WDR49: variants seen among roughly 807,000 people sequenced by gnomAD.
WDR49 encodes the protein cilia- and flagella-associated protein 337.
A neutral mutation model predicts 119.5 loss-of-function variants in WDR49; 107 were observed. That is an observed-to-expected ratio of 0.90 (90% CI 0.77 to 1.05). The LOEUF (loss-of-function observed/expected upper bound fraction) is 1.05, where lower values mean the gene tolerates loss of function less well. Among genes scored for constraint, WDR49 ranks in the 50% least tolerant of loss-of-function variants. The pLI is 0.00. For missense variants in WDR49, 1,240 were observed against 1,220.5 expected, an observed-to-expected ratio of 1.02 and a Z score of -0.24; for synonymous variants, 425 against 418.8, an observed-to-expected ratio of 1.01 and a Z score of -0.18.
intron 10 of WDR49, among the ~76,000 whole-genome samples, chr3:167,550,834 G>T (rs573452350): frequency 6.6e-6 from 1 of 150,470 alleles, no homozygotes; most frequent in South Asian, 2.1e-4. Flanking sequence ...GATTTTGGAG[G>T]CAGGATAAAA....
At chr3:167,500,078 C>T in intron 18 of WDR49, 75 bp downstream of exon 18, 2 of 1,408,688 alleles carry the variant, frequency 1.4e-6, no homozygotes. Context: ...TATTTTCATG[C>T]TCTTCTACTC....
intron 7 of WDR49, among the ~76,000 whole-genome samples, chr3:167,576,597 G>C (rs1307701581): frequency 6.6e-6 from 1 of 152,172 alleles, no homozygotes; most frequent in African/African-American, 2.4e-5. Flanking sequence ...AAATGTGAAA[G>C]AGGGAGGCAG....
Position 167,575,974 on chromosome 3 carries a change from C to G in WDR49, c.1453G>C (p.Val485Leu), listed in dbSNP as rs746870729. ...LAMKSEASKRVKSHEKAVTCV... is the reference protein window; with the variant it reads ...LAMKSEASKRLKSHEKAVTCV... Reference sequence around the variant, plus strand: ...GTGACTGCTTTCTCATGGCTTTTCACCCTCTTGCTGGCTTCACTTTTCATT... The same window carrying G: ...GTGACTGCTTTCTCATGGCTTTTCAGCCTCTTGCTGGCTTCACTTTTCATT... Residue 485 changes from valine (V) to leucine (L), a missense_variant, in exon 8 of 19, where the codon GTG becomes CTG. Coordinates refer to ENST00000682715, the MANE Select transcript of WDR49 (RefSeq NM_001366157.1). 1 of 1,614,118 alleles carries G rather than the reference C, an allele frequency of 6.2e-7. No homozygotes were observed. Among genetic ancestry groups the G allele is most frequent in the Admixed American group, 1.7e-5 (1 of 60,022 alleles).
chr3:167,617,619 A>C (rs1463510816), intron 5 of WDR49, among the ~76,000 whole-genome samples: 1 of 152,166 alleles, frequency 6.6e-6, no homozygotes, highest in Non-Finnish European at 1.5e-5. Flanking sequence ...CAGAATGAAC[A>C]ATCCTCCTCC....
At chr3:167,480,028 C>T (rs12493749) in intron 18 of WDR49, among the ~76,000 whole-genome samples, 13,148 of 151,454 alleles carry the variant, frequency 0.087, 603 homozygotes, top group Non-Finnish European at 0.11. Flanking sequence ...GTCAGGAGTT[C>T]GAGACTAGCC....
intron 11 of WDR49, 138 bp downstream of exon 11, chr3:167,536,732 T>TATATATAC (rs1431806466): frequency 5.0e-6 from 1 of 200,862 alleles, no homozygotes; most frequent in African/African-American, 2.6e-5. Flanking sequence ...TATATATATA[T>TATATATAC]ACACACACAC....
chr3:167,530,038 T>C (rs1752789043), intron 13 of WDR49, among the ~76,000 whole-genome samples: 1 of 152,054 alleles, frequency 6.6e-6, no homozygotes, highest in African/African-American at 2.4e-5. Flanking sequence ...AAAATTAGTA[T>C]TGAGGAAATG....
chr3:167,581,552 A>G (rs949417067), intron 7 of WDR49, among the ~76,000 whole-genome samples: 8 of 152,182 alleles, frequency 5.3e-5, no homozygotes, highest in Non-Finnish European at 1.0e-4. Context: ...GTAGGACATC[A>G]CCATGTTTTC....
At position 167,649,508 on chromosome 3, in the gene WDR49, T is replaced by G. The variant is rs1048068687; in HGVS notation, c.165+3753A>C. On this transcript the variant is annotated intron_variant, in intron 2 of 18. Coordinates refer to ENST00000682715, the MANE Select transcript of WDR49 (RefSeq NM_001366157.1). Reference sequence around the variant, plus strand: ...GGAATTTTATAAAGATAATCAAGGATGAGAATATCAAAATTCTTTAAATGT... The same window carrying G: ...GGAATTTTATAAAGATAATCAAGGAGGAGAATATCAAAATTCTTTAAATGT... Among the ~76,000 whole-genome samples, 6 of 152,172 alleles carry G rather than the reference T, an allele frequency of 3.9e-5. No homozygotes were observed. In the East Asian group the frequency reaches 1.2e-3, roughly 29 times the overall value.
intron 7 of WDR49, among the ~76,000 whole-genome samples, chr3:167,591,140 T>C (rs1407805389): frequency 6.6e-6 from 1 of 152,152 alleles, no homozygotes; most frequent in Non-Finnish European, 1.5e-5. Context: ...TTTTTCAATT[T>C]CCTTCTCAGT....
At chr3:167,594,731 G>A (rs1055256009) in intron 7 of WDR49, among the ~76,000 whole-genome samples, 8 of 151,632 alleles carry the variant, frequency 5.3e-5, no homozygotes, top group African/African-American at 1.7e-4. Flanking sequence ...AATAATAAGA[G>A]CTATCTATGA....
intron 16 of WDR49, among the ~76,000 whole-genome samples, chr3:167,512,625 C>A (rs1162667837): frequency 6.6e-6 from 1 of 152,138 alleles, no homozygotes; most frequent in East Asian, 1.9e-4. Flanking sequence ...GATGAATTGA[C>A]AGAAGTAGGC....
chr3:167,633,873 T>C (rs990135632), intron 2 of WDR49, among the ~76,000 whole-genome samples: 2 of 152,016 alleles, frequency 1.3e-5, no homozygotes, highest in African/African-American at 4.8e-5. Context: ...CCATCTTCTT[T>C]ACATTAGGCA....
chr3:167,586,567 TC>T, intron 7 of WDR49, among the ~76,000 whole-genome samples: 1 of 152,302 alleles, frequency 6.6e-6, no homozygotes, highest in African/African-American at 2.4e-5. Flanking sequence ...AATCAAAAGC[TC>T]TTGAAAACAT....
At chr3:167,636,397 T>C (rs1268952335) in intron 2 of WDR49, among the ~76,000 whole-genome samples, 1 of 146,028 alleles carries the variant, frequency 6.8e-6, no homozygotes, top group Non-Finnish European at 1.5e-5. Context: ...ACTTGTTGAT[T>C]GATGGGCATT....
intron 8 of WDR49, chr3:167,566,964 G>A (rs1243162698): frequency 1.7e-6 from 1 of 597,862 alleles, no homozygotes; most frequent in Non-Finnish European, 3.0e-6. Flanking sequence ...GGTGGAGGAG[G>A]TGGAAAGGGA....
At chr3:167,631,464 C>T (rs183719280) in intron 2 of WDR49, among the ~76,000 whole-genome samples, 2 of 152,008 alleles carry the variant, frequency 1.3e-5, no homozygotes, top group African/African-American at 2.4e-5. Flanking sequence ...CTGAGAAGGA[C>T]CATTGAAGTG....
At chr3:167,479,767 T>C (rs1577184744) in intron 18 of WDR49, among the ~76,000 whole-genome samples, 1 of 152,118 alleles carries the variant, frequency 6.6e-6, no homozygotes, top group Non-Finnish European at 1.5e-5. Flanking sequence ...TAAAAGATAT[T>C]ATAACAATAT....
upstream of WDR49, among the ~76,000 whole-genome samples, chr3:167,655,125 A>G (rs765539183): frequency 5.3e-5 from 8 of 152,166 alleles, no homozygotes; most frequent in Non-Finnish European, 8.8e-5. Context: ...CAGAAAGCTA[A>G]TGAGGGCAAA....
Sources: allele counts gnomAD v4.1 joint callset (sites outside exome capture counted in the v4.1 genomes callset), GRCh38; gene constraint gnomAD v4.1.1; transcripts MANE v1.5; gene names NCBI Gene and HGNC (gene_info 2026-07-23, HGNC 2026-07-21).